EYS: variants seen among roughly 807,000 people sequenced by gnomAD.
EYS encodes the protein protein eyes shut homolog.
In EYS, 250 loss-of-function variants were observed where a neutral mutation model predicts 282.1. The observed-to-expected ratio is 0.89, with a 90% CI of 0.80 to 0.98. The LOEUF is 0.98. Among genes scored for constraint, EYS ranks in the 50% least tolerant of loss-of-function variants. EYS has a pLI of 0.00. For missense variants in EYS, 4,016 were observed against 3,709.0 expected, an observed-to-expected ratio of 1.08 and a Z score of -2.15; for synonymous variants, 1,355 against 1,282.9, an observed-to-expected ratio of 1.06 and a Z score of -1.20.
At chr6:65,591,591 A>G (rs1170824695) in intron 2 of EYS, among the ~76,000 whole-genome samples, 4 of 151,838 alleles carry the variant, frequency 2.6e-5, no homozygotes, top group African/African-American at 9.7e-5. Flanking sequence ...TGAAGCTCCT[A>G]ATAATGCAAA....
intron 14 of EYS, among the ~76,000 whole-genome samples, chr6:64,957,600 G>T (rs1197635025): frequency 1.3e-5 from 2 of 152,142 alleles, no homozygotes; most frequent in African/African-American, 2.4e-5. Context: ...ATTGTAATTT[G>T]TTGTGTAATT....
intron 12 of EYS, among the ~76,000 whole-genome samples, chr6:65,275,429 G>A (rs541131023): frequency 1.3e-5 from 2 of 152,114 alleles, no homozygotes; most frequent in African/African-American, 2.4e-5. Flanking sequence ...GTATGTGATT[G>A]GGCTTGAGAA....
intron 26 of EYS, among the ~76,000 whole-genome samples, chr6:64,499,189 T>C (rs569082161): frequency 6.6e-6 from 1 of 152,210 alleles, no homozygotes; most frequent in African/African-American, 2.4e-5. Flanking sequence ...TTATGAACCA[T>C]CAAAATAAGC....
At chr6:65,301,441 G>A (rs932193680) in intron 11 of EYS, among the ~76,000 whole-genome samples, 14 of 152,348 alleles carry the variant, frequency 9.2e-5, no homozygotes, top group African/African-American at 3.1e-4. Flanking sequence ...GCCTTAGAGC[G>A]CAGCCTGTAG....
intron 28 of EYS, among the ~76,000 whole-genome samples, chr6:64,409,819 C>T (rs1432769443): frequency 2.6e-5 from 4 of 152,048 alleles, no homozygotes; most frequent in Admixed American, 6.6e-5. Context: ...GTCTCAAGTA[C>T]ATTTATGCAC....
rs139995336 is a variant in EYS, at chr6:63,970,402, G to A, written c.7055+13981C>T. Among the ~76,000 whole-genome samples, 245 of 152,162 alleles carry A rather than the reference G, an allele frequency of 1.6e-3. 3 individuals are homozygous for A. The East Asian group carries it at 0.036, about 22-fold the overall frequency. ...TGTAATCCCAGCACTTTGGGAGGCC[G>A]AGGTGGCCAGATCACTAGGTCAGGT... On this transcript the variant is annotated intron_variant, in intron 35 of 42. Coordinates refer to ENST00000503581, the MANE Select transcript of EYS (RefSeq NM_001142800.2).
chr6:65,649,137 C>CA (rs369237730), intron 1 of EYS, among the ~76,000 whole-genome samples: 36,777 of 71,976 alleles, frequency 0.51, 9,863 homozygotes, highest in Non-Finnish European at 0.63. Context: ...GACTCTGTCT[C>CA]AAAAAAAAAA....
At chr6:64,419,069 C>T (rs770449643) in intron 28 of EYS, among the ~76,000 whole-genome samples, 3 of 152,178 alleles carry the variant, frequency 2.0e-5, no homozygotes, top group Non-Finnish European at 4.4e-5. Flanking sequence ...TTCGCTATGG[C>T]TCCCATCTGA....
intron 24 of EYS, among the ~76,000 whole-genome samples, chr6:64,612,378 C>T (rs953453268): frequency 2.6e-5 from 4 of 152,054 alleles, no homozygotes; most frequent in African/African-American, 9.7e-5. Flanking sequence ...ATTTCATTTA[C>T]TGAGGAAGAA....
intron 28 of EYS, among the ~76,000 whole-genome samples, chr6:64,403,636 C>T (rs12524753): frequency 2.2e-4 from 33 of 152,246 alleles, no homozygotes; most frequent in Admixed American, 9.8e-4. Context: ...GGATTACAGG[C>T]GTGAGCTACT....
intron 35 of EYS, among the ~76,000 whole-genome samples, chr6:63,887,768 T>C (rs1362758065): frequency 6.6e-6 from 1 of 152,128 alleles, no homozygotes; most frequent in Non-Finnish European, 1.5e-5. Context: ...AGAAGTTTTT[T>C]TTCATACCCC....
In EYS at chr6:65,371,337, G is replaced by A. The variant is rs186994600; in HGVS notation, c.1299+13049C>T. Among the ~76,000 whole-genome samples the A allele has an allele frequency of 1.1e-4, 16 of 151,718 alleles. No homozygotes were observed. In the East Asian group the frequency reaches 2.9e-3, roughly 28 times the overall value. ...TATAAGAGACTGGAGCATCCATGAA[G>A]TATCCAAGTGGGTGGAGGTCCCTAG... On this transcript the variant is annotated intron_variant, in intron 8 of 42. Transcript: ENST00000503581.
At chr6:64,440,524 T>G (rs1390787156) in intron 26 of EYS, among the ~76,000 whole-genome samples, 1 of 152,072 alleles carries the variant, frequency 6.6e-6, no homozygotes, top group Non-Finnish European at 1.5e-5. Context: ...GAAGGACAAG[T>G]TAATGACTGA....
chr6:65,106,809 C>T (rs1339260784), intron 12 of EYS, among the ~76,000 whole-genome samples: 1 of 152,002 alleles, frequency 6.6e-6, no homozygotes, highest in East Asian at 1.9e-4. Context: ...TTTGTAGATA[C>T]TATATATATT....
intron 13 of EYS, among the ~76,000 whole-genome samples, chr6:65,010,425 G>A (rs146454179): frequency 0.018 from 2,738 of 152,274 alleles, 37 homozygotes; most frequent in Middle Eastern, 0.061. Flanking sequence ...CTGCGACTGC[G>A]CACTTGTGCA....
At chr6:65,519,906 T>G (rs1393844626) in intron 2 of EYS, among the ~76,000 whole-genome samples, 1 of 144,834 alleles carries the variant, frequency 6.9e-6, no homozygotes, top group Non-Finnish European at 1.5e-5. Flanking sequence ...TTTTTTTTTG[T>G]AGAGATGAGG....
At chr6:65,492,664 C>T (rs1411196818) in intron 4 of EYS, among the ~76,000 whole-genome samples, 1 of 152,146 alleles carries the variant, frequency 6.6e-6, no homozygotes, top group Non-Finnish European at 1.5e-5. Flanking sequence ...TCTGCCTTAA[C>T]TTTAATCACC....
intron 2 of EYS, among the ~76,000 whole-genome samples, chr6:65,537,222 A>G (rs1767993300): frequency 6.6e-6 from 1 of 152,150 alleles, no homozygotes; most frequent in South Asian, 2.1e-4. Context: ...GGGGATGAAT[A>G]GCAATAGGAG....
chr6:64,695,907 C>T (rs561499611), intron 22 of EYS, among the ~76,000 whole-genome samples: 18 of 152,106 alleles, frequency 1.2e-4, no homozygotes, highest in Admixed American at 3.3e-4. Context: ...TGACTCTTCC[C>T]ACATATGCAA....
Sources: allele counts gnomAD v4.1 joint callset (sites outside exome capture counted in the v4.1 genomes callset), GRCh38; gene constraint gnomAD v4.1.1; transcripts MANE v1.5; gene names NCBI Gene and HGNC (gene_info 2026-07-23, HGNC 2026-07-21).